The following MLLT3 variants were observed in gnomAD, a reference collection of about 807,000 sequenced individuals.
MLLT3 encodes the protein MLLT3 super elongation complex subunit.
In MLLT3, 4 loss-of-function variants were observed where a neutral mutation model predicts 53.2. The ratio of observed to expected loss-of-function variants is 0.08; its 90% CI spans 0.04 to 0.17. The LOEUF (loss-of-function observed/expected upper bound fraction) is 0.17. Among genes scored for constraint, MLLT3 ranks in the 10% least tolerant of loss-of-function variants. The pLI, the probability that MLLT3 is intolerant of heterozygous loss-of-function variation, is 1.00. For missense variants in MLLT3, 569 were observed against 684.0 expected, an observed-to-expected ratio of 0.83 and a Z score of 1.87; for synonymous variants, 283 against 230.6, an observed-to-expected ratio of 1.23 and a Z score of -2.06.
intron 2 of MLLT3, among the ~76,000 whole-genome samples, chr9:20,509,693 C>A (rs1474140139): frequency 6.6e-6 from 1 of 152,208 alleles, no homozygotes; most frequent in Non-Finnish European, 1.5e-5. Context: ...GTACATGGCA[C>A]TGCATCTTTC....
intron 2 of MLLT3, among the ~76,000 whole-genome samples, chr9:20,603,087 CCTT>C (rs1820473270): frequency 6.6e-6 from 1 of 152,048 alleles, no homozygotes; most frequent in African/African-American, 2.4e-5. Context: ...TCTAATTTCT[CCTT>C]CTCACTTTCT....
chr9:20,445,001 C>A (rs1236470615), intron 4 of MLLT3, among the ~76,000 whole-genome samples: 2 of 151,116 alleles, frequency 1.3e-5, no homozygotes, highest in Admixed American at 1.3e-4. Flanking sequence ...TCAAGTGGGA[C>A]GTTCATTTCA....
At chr9:20,393,378 T>G (rs1393027486) in intron 5 of MLLT3, among the ~76,000 whole-genome samples, 2 of 152,182 alleles carry the variant, frequency 1.3e-5, no homozygotes, top group African/African-American at 4.8e-5. Flanking sequence ...TCTGAGGATT[T>G]GTCAGGACTA....
chr9:20,387,594 T>A (rs1822071516), intron 5 of MLLT3, among the ~76,000 whole-genome samples: 1 of 152,224 alleles, frequency 6.6e-6, no homozygotes, highest in Non-Finnish European at 1.5e-5. Flanking sequence ...GACCTTGTTG[T>A]CCAAGTTTCT....
chr9:20,416,812 T>C (rs1822882566), intron 4 of MLLT3, among the ~76,000 whole-genome samples: 2 of 152,266 alleles, frequency 1.3e-5, no homozygotes, highest in South Asian at 4.1e-4. Context: ...TAACAATGTC[T>C]TAAATAAAAT....
At chr9:20,449,228 G>C (rs1238862384) in intron 3 of MLLT3, among the ~76,000 whole-genome samples, 1 of 152,096 alleles carries the variant, frequency 6.6e-6, no homozygotes, top group African/African-American at 2.4e-5. Context: ...TTGAAAGTAG[G>C]ATCAATGTTT....
At chr9:20,384,997 C>G (rs1821999335) in intron 5 of MLLT3, among the ~76,000 whole-genome samples, 1 of 151,992 alleles carries the variant, frequency 6.6e-6, no homozygotes, top group Non-Finnish European at 1.5e-5. Context: ...TCATAATCAA[C>G]TAAAAATTCT....
At chr9:20,416,637 C>T (rs1586933399) in intron 4 of MLLT3, among the ~76,000 whole-genome samples, 1 of 151,990 alleles carries the variant, frequency 6.6e-6, no homozygotes, top group African/African-American at 2.4e-5. Flanking sequence ...TAATGTTTTA[C>T]TTCTCATGTT....
At chr9:20,503,336 T>C (rs1175418559) in intron 2 of MLLT3, among the ~76,000 whole-genome samples, 6 of 152,136 alleles carry the variant, frequency 3.9e-5, no homozygotes, top group Admixed American at 3.3e-4. Context: ...GCTGCTGGTA[T>C]AAAAAGAGAC....
chr9:20,349,960 T>C (rs1466840935), intron 10 of MLLT3, among the ~76,000 whole-genome samples: 1 of 152,246 alleles, frequency 6.6e-6, no homozygotes, highest in Admixed American at 6.5e-5. Flanking sequence ...GGGAATTATT[T>C]GCCAAAGGGA....
chr9:20,366,067 T>C (rs887233114), intron 5 of MLLT3, among the ~76,000 whole-genome samples: 2 of 152,244 alleles, frequency 1.3e-5, no homozygotes, highest in Non-Finnish European at 2.9e-5. Context: ...TTCTTTATTA[T>C]ACTTTAAGTT....
chr9:20,588,490 G>C (rs1000831974), intron 2 of MLLT3, among the ~76,000 whole-genome samples: 1 of 152,162 alleles, frequency 6.6e-6, no homozygotes, highest in South Asian at 2.1e-4. Context: ...AACGTTCTTC[G>C]ATTTGTTTGT....
At chr9:20,440,553 G>T (rs1211951711) in intron 4 of MLLT3, among the ~76,000 whole-genome samples, 1 of 152,034 alleles carries the variant, frequency 6.6e-6, no homozygotes, top group East Asian at 1.9e-4. Context: ...AATATCTGGT[G>T]GGGACAGTCA....
intron 2 of MLLT3, among the ~76,000 whole-genome samples, chr9:20,516,070 T>C (rs997180844): frequency 1.3e-5 from 2 of 152,182 alleles, no homozygotes; most frequent in African/African-American, 4.8e-5. Flanking sequence ...GATATCTAGA[T>C]GTCAGCCATA....
At chr9:20,499,394 GC>G (rs1296409881) in intron 2 of MLLT3, among the ~76,000 whole-genome samples, 1 of 152,122 alleles carries the variant, frequency 6.6e-6, no homozygotes, top group African/African-American at 2.4e-5. Flanking sequence ...ATACAGGGAG[GC>G]TATGCATGTG....
At position 20,620,400 on chromosome 9, in the gene MLLT3, G is replaced by C. The variant is rs1005296129; in HGVS notation, c.193+254C>G. On this transcript the variant is annotated intron_variant, in intron 2 of 10. Coordinates refer to ENST00000380338, the MANE Select transcript of MLLT3 (RefSeq NM_004529.4). This position sits in a 1 kb window ranked among gnomAD's most constrained non-coding sequence, Gnocchi z 6.1. ...GCGGCTAACCCCAGAGGACTGGTGA[G>C]GGCTGGCTTGGGATGAATAAACACT... Among the ~76,000 whole-genome samples the C allele has an allele frequency of 6.6e-6, 1 of 151,830 alleles. No individual in the cohort carries two copies. The highest frequency in any genetic ancestry group is 1.5e-5 in the Non-Finnish European group (1 of 67,962).
chr9:20,379,013 T>A (rs1339922878), intron 5 of MLLT3, among the ~76,000 whole-genome samples: 2 of 152,096 alleles, frequency 1.3e-5, no homozygotes, highest in East Asian at 3.8e-4. Context: ...ACATCTTATA[T>A]AAGCCTAACA....
At chr9:20,407,451 G>C (rs895722269) in intron 5 of MLLT3, among the ~76,000 whole-genome samples, 1 of 152,132 alleles carries the variant, frequency 6.6e-6, no homozygotes, top group Non-Finnish European at 1.5e-5. Flanking sequence ...ATCCACCTAT[G>C]AGGACAACCT....
At chr9:20,499,741 G>A (rs1013331368) in intron 2 of MLLT3, among the ~76,000 whole-genome samples, 9 of 152,160 alleles carry the variant, frequency 5.9e-5, no homozygotes, top group South Asian at 2.1e-4. Flanking sequence ...AAACTTGTAT[G>A]ACTGTTTCTT....
Sources: allele counts gnomAD v4.1 joint callset (sites outside exome capture counted in the v4.1 genomes callset), GRCh38; gene constraint gnomAD v4.1.1; non-coding constraint Gnocchi (gnomAD v3.1); transcripts MANE v1.5; gene names NCBI Gene and HGNC (gene_info 2026-07-23, HGNC 2026-07-21).